Variants in POU6F2 observed in about 807,000 individuals in gnomAD.
POU6F2 encodes the protein POU domain, class 6, transcription factor 2.
Under a neutral mutation model 71.3 loss-of-function variants are expected in POU6F2, and 31 were observed. That is an observed-to-expected ratio of 0.43 (90% CI 0.33 to 0.59). POU6F2 has a LOEUF of 0.59. Ranked by LOEUF, POU6F2 falls within the 20% of genes least tolerant of loss-of-function variation. POU6F2 has a pLI of 0.04. For missense variants in POU6F2, 783 were observed against 856.8 expected (o/e 0.91, Z 1.07); for synonymous variants, 347 against 355.7 (o/e 0.98, Z 0.27).
chr7:39,260,149 CTCAT>C (rs1318908324), intron 4 of POU6F2, among the ~76,000 whole-genome samples: 3 of 143,728 alleles, frequency 2.1e-5, no homozygotes, highest in South Asian at 2.2e-4. Flanking sequence ...ACACTCTGTA[CTCAT>C]ACACACACCG....
chr7:39,264,399 A>G (rs1048419405), intron 4 of POU6F2, among the ~76,000 whole-genome samples: 6 of 152,182 alleles, frequency 3.9e-5, no homozygotes, highest in Admixed American at 2.0e-4. Context: ...AGATGATTCA[A>G]TCCCTGTTAT....
chr7:39,443,294 G>A (rs1010847348), intron 7 of POU6F2, among the ~76,000 whole-genome samples: 7 of 152,308 alleles, frequency 4.6e-5, no homozygotes, highest in Non-Finnish European at 8.8e-5. Context: ...GCTACAACCA[G>A]CATCCCAAAG....
At chr7:39,039,805 G>A (rs544076310) in intron 1 of POU6F2, among the ~76,000 whole-genome samples, 1 of 151,092 alleles carries the variant, frequency 6.6e-6, no homozygotes, top group South Asian at 2.1e-4. Flanking sequence ...ATGGGCAAAG[G>A]TTAGGTGGAG....
chr7:39,145,493 G>A (rs1157768822), intron 2 of POU6F2, among the ~76,000 whole-genome samples: 2 of 152,210 alleles, frequency 1.3e-5, no homozygotes, highest in Admixed American at 1.3e-4. Flanking sequence ...AGTGTTGACT[G>A]ACCTGCATTG....
chr7:39,379,564 A>G (rs1786782666), intron 5 of POU6F2, among the ~76,000 whole-genome samples: 2 of 152,158 alleles, frequency 1.3e-5, no homozygotes, highest in African/African-American at 4.8e-5. Flanking sequence ...CCTGTTTTGC[A>G]TGACTCATTA....
chr7:39,401,329 C>G (rs1787298730), intron 5 of POU6F2, among the ~76,000 whole-genome samples: 1 of 152,152 alleles, frequency 6.6e-6, no homozygotes, highest in South Asian at 2.1e-4. Context: ...GGTGGGCAGA[C>G]AGTGAGCAGC....
chr7:39,194,934 G>A (rs191990242), intron 2 of POU6F2, among the ~76,000 whole-genome samples: 6 of 152,086 alleles, frequency 3.9e-5, no homozygotes, highest in Non-Finnish European at 8.8e-5. Context: ...GAACCCACCA[G>A]AAGGAGAAAC....
At chr7:39,072,879 G>T (rs1344559434) in intron 1 of POU6F2, among the ~76,000 whole-genome samples, 3 of 152,200 alleles carry the variant, frequency 2.0e-5, no homozygotes, top group Admixed American at 6.5e-5. Flanking sequence ...CATTGTGTTT[G>T]TGTGTGCACA....
At chr7:39,324,465 C>G (rs1017602963) in intron 4 of POU6F2, among the ~76,000 whole-genome samples, 1 of 152,204 alleles carries the variant, frequency 6.6e-6, no homozygotes, top group African/African-American at 2.4e-5. Flanking sequence ...ATAGTAGGTG[C>G]TCCACCAGCT....
Position 39,433,159 on chromosome 7 carries a change from C to T in POU6F2, c.1196C>T (p.Pro399Leu), listed in dbSNP as rs1255910439. The change falls in exon 7 of 10, where the codon CCA (proline) becomes CTA (leucine). Residue 399 changes from proline to leucine, a missense_variant. Pro to Leu is a moderately conservative substitution (Grantham distance 98). Transcript: ENST00000518318. ...ASGTQGLQVQ[P>L]ITPQLLTNAQ... ...GGCACTCAGGGCTTGCAAGTGCAGC[C>T]AATCACCCCCCAGCTCCTCACAAAC... The T allele has an allele frequency of 6.2e-7, 1 of 1,613,922 alleles. No individual in the cohort carries two copies. The highest frequency in any genetic ancestry group is 8.5e-7 in the Non-Finnish European group (1 of 1,179,888).
intron 5 of POU6F2, among the ~76,000 whole-genome samples, chr7:39,390,281 A>C (rs1256279358): frequency 6.6e-6 from 1 of 152,174 alleles, no homozygotes; most frequent in Non-Finnish European, 1.5e-5. Flanking sequence ...CCATAGTCCC[A>C]GCTACTTGGG....
At chr7:39,085,104 G>A (rs17431633) in intron 1 of POU6F2, 1 of 151,832 alleles carries the variant, frequency 6.6e-6, no homozygotes, top group Non-Finnish European at 1.5e-5. Flanking sequence ...CGATGCTCTA[G>A]GTATCCGAAT....
At chr7:39,009,115 G>A (rs1340617430) in intron 1 of POU6F2, among the ~76,000 whole-genome samples, 1 of 152,098 alleles carries the variant, frequency 6.6e-6, no homozygotes, top group African/African-American at 2.4e-5. Flanking sequence ...ACCTTGGGCA[G>A]TATGGTCATT....
At chr7:39,193,316 TC>T (rs1401376970) in intron 2 of POU6F2, among the ~76,000 whole-genome samples, 1 of 152,080 alleles carries the variant, frequency 6.6e-6, no homozygotes, top group East Asian at 1.9e-4. Flanking sequence ...CTCTTCCCCT[TC>T]CCCCACTTCT....
intron 1 of POU6F2, chr7:39,084,987 C>T (rs1791205862): frequency 6.6e-6 from 1 of 152,082 alleles, no homozygotes; most frequent in African/African-American, 2.4e-5. Context: ...TCCTAAAATG[C>T]CCTCCTTAAT....
intron 1 of POU6F2, among the ~76,000 whole-genome samples, chr7:38,987,345 T>C (rs859515): frequency 0.19 from 28,329 of 152,098 alleles, 2,853 homozygotes; most frequent in Middle Eastern, 0.26. Context: ...AACCTTTATG[T>C]TTGCTCCAAG....
intron 2 of POU6F2, among the ~76,000 whole-genome samples, chr7:39,102,362 C>T (rs1045600880): frequency 3.3e-5 from 5 of 152,114 alleles, no homozygotes; most frequent in Non-Finnish European, 7.3e-5. Context: ...TTTTTACAGC[C>T]TCTTTTGCAG....
intron 7 of POU6F2, among the ~76,000 whole-genome samples, chr7:39,439,753 T>C (rs148269527): frequency 0.011 from 1,637 of 152,300 alleles, 32 homozygotes; most frequent in African/African-American, 0.037. Context: ...CCTCCCAAAG[T>C]GCTGGGATTA....
intron 5 of POU6F2, among the ~76,000 whole-genome samples, chr7:39,384,234 C>T (rs1191590780): frequency 6.6e-6 from 1 of 152,132 alleles, no homozygotes; most frequent in Non-Finnish European, 1.5e-5. Context: ...GATACTCTGT[C>T]CTGAGAAATA....
Sources: gnomAD v4.1 joint callset for allele counts (sites outside exome capture counted in the v4.1 genomes callset) on GRCh38, gnomAD v4.1.1 for gene constraint, MANE v1.5 for transcripts, NCBI Gene and HGNC (gene_info 2026-07-23, HGNC 2026-07-21) for gene names.